Variants in ANO4 observed in about 807,000 individuals in gnomAD.
ANO4 encodes anoctamin 4.
In ANO4, 69 loss-of-function variants were observed where a neutral mutation model predicts 141.9. The ratio of observed to expected loss-of-function variants is 0.49; its 90% CI spans 0.40 to 0.59. The LOEUF is 0.59. Ranked by LOEUF, ANO4 falls within the 20% of genes least tolerant of loss-of-function variation. The pLI is 0.00. For synonymous variants in ANO4, 350 were observed against 394.3 expected (o/e 0.89, Z 1.33); for missense variants, 894 against 1,162.2 (o/e 0.77, Z 3.36).
intron 8 of ANO4, among the ~76,000 whole-genome samples, chr12:100,995,911 C>T (rs1338416781): frequency 6.6e-6 from 1 of 152,218 alleles, no homozygotes; most frequent in Non-Finnish European, 1.5e-5. Context: ...GGGGACAGAG[C>T]CAGGGCTCTG....
At chr12:100,746,732 A>G (rs1401173183) in intron 3 of ANO4, among the ~76,000 whole-genome samples, 1 of 152,098 alleles carries the variant, frequency 6.6e-6, no homozygotes, top group East Asian at 1.9e-4. Context: ...GTCAATTCTT[A>G]ACTCTCCTTC....
chr12:100,771,314 A>G (rs17030576), intron 3 of ANO4, among the ~76,000 whole-genome samples: 24,096 of 152,210 alleles, frequency 0.16, 2,096 homozygotes, highest in Non-Finnish European at 0.19. Flanking sequence ...TGACTCTTGC[A>G]TAGACCAGAC....
intron 3 of ANO4, among the ~76,000 whole-genome samples, chr12:100,762,047 G>T (rs578067325): frequency 6.6e-6 from 1 of 152,306 alleles, no homozygotes; most frequent in Non-Finnish European, 1.5e-5. Flanking sequence ...TTAATCACTA[G>T]GGGGAAAGGG....
Position 101,116,803 on chromosome 12 carries a change from G to C in ANO4, c.2570+5G>C. On this transcript the variant is annotated splice_donor_5th_base_variant and intron_variant, in intron 25 of 27. Coordinates refer to ENST00000392977, the MANE Select transcript of ANO4 (RefSeq NM_001286615.2). ...GACTCCTCTTAAGTACTGCAGGTGA[G>C]TGTGGCACCCAGCGTGGCTCTGCCT... 3 of 1,614,096 alleles carry C rather than the reference G, an allele frequency of 1.9e-6. No homozygotes were observed. The highest frequency in any genetic ancestry group is 2.5e-6 in the Non-Finnish European group (3 of 1,179,998).
intron 1 of ANO4, among the ~76,000 whole-genome samples, chr12:100,887,084 A>C (rs1849816): frequency 0.31 from 47,718 of 152,150 alleles, 7,855 homozygotes; most frequent in African/African-American, 0.41. Flanking sequence ...GCTAAGTGAC[A>C]AAAATCTTAT....
chr12:100,991,500 G>A (rs1470573386), intron 8 of ANO4, among the ~76,000 whole-genome samples: 5 of 120,152 alleles, frequency 4.2e-5, no homozygotes, highest in African/African-American at 6.7e-5. Flanking sequence ...GTGGGAGGAG[G>A]GCATGAAAAT....
At chr12:100,919,242 G>A (rs923507967) in intron 2 of ANO4, among the ~76,000 whole-genome samples, 6 of 152,034 alleles carry the variant, frequency 3.9e-5, no homozygotes, top group East Asian at 3.9e-4. Flanking sequence ...TTAATGTGGC[G>A]TAAGTATACA....
At chr12:100,903,463 A>T (rs2040690146) in intron 2 of ANO4, among the ~76,000 whole-genome samples, 1 of 152,198 alleles carries the variant, frequency 6.6e-6, no homozygotes, top group Non-Finnish European at 1.5e-5. Context: ...CAAACTTCTT[A>T]GCATGTTAAA....
At chr12:100,951,292 A>G (rs1437848740) in intron 5 of ANO4, among the ~76,000 whole-genome samples, 1 of 152,190 alleles carries the variant, frequency 6.6e-6, no homozygotes, top group Non-Finnish European at 1.5e-5. Context: ...TCAAAGAGCT[A>G]AAAACAGAAC....
At chr12:100,850,134 TAATA>T (rs1369912239) in intron 1 of ANO4, among the ~76,000 whole-genome samples, 31 of 152,382 alleles carry the variant, frequency 2.0e-4, no homozygotes, top group African/African-American at 7.0e-4. Context: ...GATATTTAGT[TAATA>T]AATAAAATAA....
intron 8 of ANO4, among the ~76,000 whole-genome samples, chr12:100,997,309 G>A: frequency 6.9e-6 from 1 of 144,312 alleles, no homozygotes. Context: ...ACCCCAGCCT[G>A]GGACAGAGCG....
intron 1 of ANO4, among the ~76,000 whole-genome samples, chr12:100,899,681 G>A (rs11110580): frequency 6.6e-6 from 1 of 152,112 alleles, no homozygotes; most frequent in Non-Finnish European, 1.5e-5. Context: ...AATTTAAGGT[G>A]ACCCTTCTTA....
intron 3 of ANO4, among the ~76,000 whole-genome samples, chr12:100,779,380 C>G (rs933388190): frequency 4.6e-5 from 7 of 152,216 alleles, no homozygotes; most frequent in African/African-American, 1.7e-4. Flanking sequence ...CTGCTATTGG[C>G]ATAACAATGA....
intron 1 of ANO4, chr12:100,885,616 A>G (rs1483612472): frequency 1.3e-5 from 2 of 152,234 alleles, no homozygotes; most frequent in African/African-American, 2.4e-5. Context: ...TGCCTGGACT[A>G]CATATGATTG....
At chr12:101,021,129 A>G (rs1463627172) in intron 9 of ANO4, among the ~76,000 whole-genome samples, 1 of 152,210 alleles carries the variant, frequency 6.6e-6, no homozygotes, top group African/African-American at 2.4e-5. Context: ...TGGAAGAGGT[A>G]CAGCCATGGC....
At chr12:100,806,800 C>T (rs978292546) in intron 1 of ANO4, among the ~76,000 whole-genome samples, 1 of 151,732 alleles carries the variant, frequency 6.6e-6, no homozygotes, top group Non-Finnish European at 1.5e-5. Context: ...CCTTGGCCTC[C>T]CAAAGTGCTG....
chr12:101,015,887 T>G (rs1385003092), intron 8 of ANO4, among the ~76,000 whole-genome samples: 1 of 152,060 alleles, frequency 6.6e-6, no homozygotes, highest in Non-Finnish European at 1.5e-5. Flanking sequence ...AGAGAGAGAC[T>G]TCATTTGGAG....
intron 26 of ANO4, among the ~76,000 whole-genome samples, chr12:101,126,527 A>G (rs1353360810): frequency 6.6e-6 from 1 of 152,204 alleles, no homozygotes; most frequent in East Asian, 1.9e-4. Flanking sequence ...GGCTCAGATA[A>G]ATTAAATAAT....
intron 1 of ANO4, among the ~76,000 whole-genome samples, chr12:100,814,825 T>C (rs1156279595): frequency 1.3e-5 from 2 of 152,164 alleles, no homozygotes; most frequent in African/African-American, 4.8e-5. Context: ...GAATCCTTAT[T>C]GAACTTGACA....
Sources: gnomAD v4.1 joint callset for allele counts (sites outside exome capture counted in the v4.1 genomes callset) on GRCh38, gnomAD v4.1.1 for gene constraint, MANE v1.5 for transcripts, NCBI Gene and HGNC (gene_info 2026-07-23, HGNC 2026-07-21) for gene names.